Variants in SH2D4A observed in about 807,000 individuals in gnomAD.
SH2D4A encodes the protein SH2 domain containing 4A.
In SH2D4A, 70 loss-of-function variants were observed where a neutral mutation model predicts 64.7. The observed-to-expected ratio is 1.08, with a 90% CI of 0.89 to 1.32. The LOEUF (loss-of-function observed/expected upper bound fraction) is 1.32. Among genes scored for constraint, SH2D4A ranks in the 40% most tolerant of loss-of-function variants. SH2D4A has a pLI of 0.00. For synonymous variants in SH2D4A, 268 were observed against 200.7 expected (o/e 1.34, Z -2.83); for missense variants, 706 against 540.1 (o/e 1.31, Z -3.04).
intron 2 of SH2D4A, among the ~76,000 whole-genome samples, chr8:19,329,968 C>A (rs1363463397): frequency 1.3e-5 from 2 of 152,314 alleles, no homozygotes; most frequent in Admixed American, 6.5e-5. Context: ...CAGTGCCTGA[C>A]ACGTATTAGA....
chr8:19,352,688 G>C (rs925895862), intron 4 of SH2D4A, among the ~76,000 whole-genome samples: 1 of 152,222 alleles, frequency 6.6e-6, no homozygotes, highest in Non-Finnish European at 1.5e-5. Context: ...ACATGCATTT[G>C]GGTCCCTGTC....
At chr8:19,394,490 AGT>A (rs756886959) in intron 9 of SH2D4A, 58 bp from the exon 10 acceptor site, 31 of 1,175,758 alleles carry the variant, frequency 2.6e-5, no homozygotes, top group Non-Finnish European at 3.6e-5. Context: ...CCTCTGAGGA[AGT>A]AGGAAGAGCA....
intron 2 of SH2D4A, among the ~76,000 whole-genome samples, chr8:19,324,341 CT>C (rs1401489950): frequency 6.6e-6 from 1 of 152,166 alleles, no homozygotes; most frequent in African/African-American, 2.4e-5. Flanking sequence ...ATTCATACAG[CT>C]TTTTTTGCTG....
chr8:19,375,878 G>T (rs575049509), intron 8 of SH2D4A, among the ~76,000 whole-genome samples: 1 of 152,178 alleles, frequency 6.6e-6, no homozygotes, highest in African/African-American at 2.4e-5. Context: ...GTAAATTTAA[G>T]ATTTACAATG....
At chr8:19,344,801 GA>G (rs375824933) in intron 4 of SH2D4A, among the ~76,000 whole-genome samples, 138 of 152,134 alleles carry the variant, frequency 9.1e-4, no homozygotes, top group African/African-American at 3.2e-3. Flanking sequence ...TTTTATAAAA[GA>G]AATACTGTGC....
chr8:19,393,605 A>G (rs2053535954), intron 9 of SH2D4A, 64 bp downstream of exon 9: 4 of 1,512,470 alleles, frequency 2.6e-6, no homozygotes, highest in Non-Finnish European at 3.6e-6. Context: ...TCTAACAATG[A>G]ATGACAATTA....
chr8:19,394,112 C>T (rs141007601), intron 9 of SH2D4A, among the ~76,000 whole-genome samples: 75 of 152,266 alleles, frequency 4.9e-4, no homozygotes, highest in African/African-American at 1.7e-3. Context: ...CAACTGAGAT[C>T]CCTCCCATGC....
intron 2 of SH2D4A, among the ~76,000 whole-genome samples, chr8:19,327,747 C>T (rs2052303746): frequency 6.6e-6 from 1 of 152,210 alleles, no homozygotes; most frequent in African/African-American, 2.4e-5. Flanking sequence ...ATGTAGCAGA[C>T]ACTCAGTAAA....
At chr8:19,390,001 T>C (rs2053462618) in intron 8 of SH2D4A, among the ~76,000 whole-genome samples, 1 of 152,206 alleles carries the variant, frequency 6.6e-6, no homozygotes, top group African/African-American at 2.4e-5. Context: ...TCATAGCCTT[T>C]AGGGGCTGGG....
At chr8:19,363,517 A>G (rs979387560) in intron 6 of SH2D4A, among the ~76,000 whole-genome samples, 1 of 152,102 alleles carries the variant, frequency 6.6e-6, no homozygotes, top group Non-Finnish European at 1.5e-5. Flanking sequence ...TTTGTGTACT[A>G]ATGTGTCCTA....
At chr8:19,320,953 A>C (rs1367973982) in intron 2 of SH2D4A, among the ~76,000 whole-genome samples, 1 of 152,246 alleles carries the variant, frequency 6.6e-6, no homozygotes, top group African/African-American at 2.4e-5. Flanking sequence ...AAAGGAGGTC[A>C]GTGTAGCGTC....
chr8:19,318,252 G>GT (rs1055307013), intron 1 of SH2D4A, among the ~76,000 whole-genome samples: 5 of 152,020 alleles, frequency 3.3e-5, no homozygotes, highest in South Asian at 4.2e-4. Context: ...GTTGTAGTAA[G>GT]TTTTTTTTCT....
At chr8:19,364,822 C>G (rs10888162) in intron 7 of SH2D4A, among the ~76,000 whole-genome samples, 96,804 of 152,066 alleles carry the variant, frequency 0.64, 31,417 homozygotes, top group African/African-American at 0.76. Context: ...ATTTGGAAAG[C>G]CTCCTTTTTT....
chr8:19,333,493 G>A (rs1563188645), intron 3 of SH2D4A, among the ~76,000 whole-genome samples: 1 of 152,090 alleles, frequency 6.6e-6, no homozygotes, highest in South Asian at 2.1e-4. Flanking sequence ...GCAGGCCGAC[G>A]CAGCTGAGTA....
At chr8:19,380,595 A>G (rs1245942810) in intron 8 of SH2D4A, among the ~76,000 whole-genome samples, 1 of 152,214 alleles carries the variant, frequency 6.6e-6, no homozygotes, top group African/African-American at 2.4e-5. Flanking sequence ...ACATGCGGTT[A>G]TGCAATTTTA....
At chr8:19,386,878 C>A (rs1206933594) in intron 8 of SH2D4A, among the ~76,000 whole-genome samples, 1 of 152,226 alleles carries the variant, frequency 6.6e-6, no homozygotes, top group African/African-American at 2.4e-5. Flanking sequence ...TGTCTGGGCT[C>A]AGGTGATTCT....
chr8:19,358,593 A>G (rs7839534), intron 5 of SH2D4A, among the ~76,000 whole-genome samples: 104 of 152,318 alleles, frequency 6.8e-4, no homozygotes, highest in African/African-American at 2.5e-3. Flanking sequence ...AGTCAAAGAC[A>G]CAGAGGCACT....
chr8:19,383,705 TTC>T, intron 8 of SH2D4A, among the ~76,000 whole-genome samples: 1 of 152,174 alleles, frequency 6.6e-6, no homozygotes, highest in Admixed American at 6.5e-5. Context: ...ACTTACAGTC[TTC>T]ACAGCTTCTT....
rs1214202762 is a variant in SH2D4A, at chr8:19,396,070, C to T, written c.*1428C>T. On this transcript the variant is annotated 3_prime_UTR_variant, in exon 10 of 10. Transcript: ENST00000265807. ...CCACCTCAGTCCAGTCCCAGTCAGG[C>T]GAACGGCCTCTGGACAGGGACTGAG... 3 of 152,172 alleles carry T rather than the reference C, an allele frequency of 2.0e-5. No individual in the cohort carries two copies. Among genetic ancestry groups the T allele is most frequent in the Admixed American group, 6.5e-5 (1 of 15,270 alleles). The allele number at this position is 152,172 out of a possible 1,614,324, so 9.4% of individuals were successfully genotyped here.
Sources: allele counts gnomAD v4.1 joint callset (sites outside exome capture counted in the v4.1 genomes callset), GRCh38; gene constraint gnomAD v4.1.1; transcripts MANE v1.5; gene names NCBI Gene and HGNC (gene_info 2026-07-23, HGNC 2026-07-21).